The following ACTR3C variants were observed in gnomAD, a reference collection of about 807,000 sequenced individuals.
ACTR3C encodes the protein actin related protein 3C.
In ACTR3C, 18 loss-of-function variants were observed where a neutral mutation model predicts 26.3. That is an observed-to-expected ratio of 0.68 (90% confidence interval 0.47 to 1.01). ACTR3C has a LOEUF of 1.01. Among genes scored for constraint, ACTR3C ranks in the 50% least tolerant of loss-of-function variants. The probability of loss-of-function intolerance (pLI) is 0.00; values close to 1 mark genes in which losing one functional copy is unlikely to be tolerated. For synonymous variants in ACTR3C, 55 were observed against 94.5 expected (o/e 0.58, Z 2.42); for missense variants, 184 against 250.7 (o/e 0.73, Z 1.80).
At chr7:150,118,145 G>A in the ACTR3C span, among the ~76,000 whole-genome samples, 2 of 152,148 alleles carry the variant, frequency 1.3e-5, no homozygotes, top group African/African-American at 2.4e-5. Context: ...AGCGCGAAAA[G>A]GCTGAAAATT....
the ACTR3C span, among the ~76,000 whole-genome samples, chr7:150,172,346 T>C: frequency 1.6e-3 from 239 of 150,686 alleles, 2 homozygotes; most frequent in Middle Eastern, 6.8e-3. Flanking sequence ...TCTTACGTGA[T>C]GGCGGCGAGA....
the ACTR3C span, among the ~76,000 whole-genome samples, chr7:150,167,624 A>G: frequency 2.5e-3 from 374 of 150,902 alleles, 26 homozygotes; most frequent in African/African-American, 9.2e-3. Flanking sequence ...TTAAACTTCA[A>G]TGAATTAATG....
intron 6 of ACTR3C, among the ~76,000 whole-genome samples, chr7:150,281,924 CT>C (rs1231247653): frequency 6.9e-6 from 1 of 144,698 alleles, no homozygotes; most frequent in Non-Finnish European, 1.5e-5. Flanking sequence ...CCATCTGGCC[CT>C]TTACAGAAAA....
At chr7:149,948,689 C>G in the ACTR3C span, among the ~76,000 whole-genome samples, 7,646 of 146,510 alleles carry the variant, frequency 0.052, 211 homozygotes, top group African/African-American at 0.18. Context: ...ACTCCCCAGG[C>G]CTTGCTCAGT....
the ACTR3C span, among the ~76,000 whole-genome samples, chr7:150,176,071 C>T: frequency 0.49 from 73,867 of 150,122 alleles, 20,161 homozygotes; most frequent in East Asian, 0.71. Context: ...TAGTATACTA[C>T]GTTAAGAGTA....
the ACTR3C span, among the ~76,000 whole-genome samples, chr7:150,019,599 A>AAATAATAAAAAT: frequency 9.1e-6 from 1 of 109,816 alleles, no homozygotes; most frequent in Non-Finnish European, 2.0e-5. Context: ...TCAAAAATAA[A>AAATAATAAAAAT]AATAATAATA....
At position 150,256,766 on chromosome 7, in the gene ACTR3C, TAA is replaced by T. The variant is rs56789869; in HGVS notation, c.565-7714_565-7713del. Reference sequence around the variant, plus strand: ...ACCCCCAAACCTAAAATGAAAGTTGTAAAAAAAAAAATAAACACATGTGATGT... The same window carrying T: ...ACCCCCAAACCTAAAATGAAAGTTGTAAAAAAAAATAAACACATGTGATGT... On this transcript the variant is annotated intron_variant, in intron 6 of 7. Transcript: ENST00000683684. Among the ~76,000 whole-genome samples, 876 of 147,654 alleles carry T rather than the reference TAA, an allele frequency of 5.9e-3. 6 individuals are homozygous for T. The highest frequency in any genetic ancestry group is 0.02 in the African/African-American group (830 of 40,778).
At chr7:150,154,809 T>C in the ACTR3C span, among the ~76,000 whole-genome samples, 1 of 152,170 alleles carries the variant, frequency 6.6e-6, no homozygotes, top group Admixed American at 6.6e-5. Flanking sequence ...AGTCTTCAGA[T>C]ACCAGACACA....
chr7:150,016,806 CA>C, the ACTR3C span, among the ~76,000 whole-genome samples: 9 of 152,198 alleles, frequency 5.9e-5, no homozygotes, highest in Non-Finnish European at 7.3e-5. Flanking sequence ...CTAGCACAGG[CA>C]GGAATGGTAT....
At chr7:150,213,791 A>G in the ACTR3C span, among the ~76,000 whole-genome samples, 1 of 147,346 alleles carries the variant, frequency 6.8e-6, no homozygotes, top group African/African-American at 2.5e-5. Context: ...CAGATTTGAC[A>G]AGTGATAGTT....
chr7:150,179,895 G>A, the ACTR3C span, among the ~76,000 whole-genome samples: 1 of 151,430 alleles, frequency 6.6e-6, no homozygotes, highest in Admixed American at 6.5e-5. Flanking sequence ...TCTGGAGAAT[G>A]ACTGTTAGGG....
intron 1 of ACTR3C, among the ~76,000 whole-genome samples, chr7:150,300,432 C>T (rs1795364408): frequency 6.6e-6 from 1 of 152,154 alleles, no homozygotes; most frequent in Admixed American, 6.5e-5. Flanking sequence ...ACCCCTGGAA[C>T]ATGAACAATC....
chr7:150,177,868 T>G, the ACTR3C span, among the ~76,000 whole-genome samples: 1 of 150,846 alleles, frequency 6.6e-6, no homozygotes, highest in Non-Finnish European at 1.5e-5. Flanking sequence ...ATATTTTTAT[T>G]TATCTGTCAT....
At chr7:150,040,630 T>C in the ACTR3C span, 87 of 146,272 alleles carry the variant, frequency 5.9e-4, no homozygotes, top group African/African-American at 2.2e-3. Context: ...TTCGGACCCA[T>C]GTCTTATTGT....
chr7:149,905,469 A>C, the ACTR3C span, among the ~76,000 whole-genome samples: 3 of 149,830 alleles, frequency 2.0e-5, no homozygotes, highest in African/African-American at 4.9e-5. Context: ...TTGGAGTAGA[A>C]ATGCATTTTT....
the ACTR3C span, among the ~76,000 whole-genome samples, chr7:149,895,352 A>G: frequency 1.3e-5 from 2 of 149,144 alleles, no homozygotes; most frequent in African/African-American, 5.2e-5. Flanking sequence ...ACGGTTAATG[A>G]CGATATATTG....
chr7:149,897,994 C>G, the ACTR3C span, among the ~76,000 whole-genome samples: 7 of 152,220 alleles, frequency 4.6e-5, no homozygotes, highest in Non-Finnish European at 1.0e-4. Flanking sequence ...TTCCCCACCT[C>G]CTTTTCTCAT....
Position 150,323,437 on chromosome 7 carries a change from C to G in ACTR3C, c.-52+32G>C, listed in dbSNP as rs3735173. ...ACGCGGCCCAGGGGTCAGGGGCCGCCAGGCGGCGGGCGGCGGGGCTGCGGC... is the reference window on the plus strand; with the variant it reads ...ACGCGGCCCAGGGGTCAGGGGCCGCGAGGCGGCGGGCGGCGGGGCTGCGGC... On this transcript the variant is annotated intron_variant, in intron 1 of 7. Coordinates refer to ENST00000683684, the MANE Select transcript of ACTR3C (RefSeq NM_001164458.2). 1.4e-5 allele frequency: 5 copies of G among 345,002 alleles called. No homozygotes were observed. The East Asian group carries it at 6.0e-4, about 42-fold the overall frequency. 21.4% of individuals were successfully genotyped at this position (345,002 alleles called of 1,614,324 possible).
At chr7:150,145,290 G>A in the ACTR3C span, among the ~76,000 whole-genome samples, 1 of 152,158 alleles carries the variant, frequency 6.6e-6, no homozygotes, top group Non-Finnish European at 1.5e-5. Context: ...GGAGAGGCTT[G>A]CGCTGTAGGT....
Sources: gnomAD v4.1 joint callset for allele counts (sites outside exome capture counted in the v4.1 genomes callset) on GRCh38, gnomAD v4.1.1 for gene constraint, MANE v1.5 for transcripts, NCBI Gene and HGNC (gene_info 2026-07-23, HGNC 2026-07-21) for gene names.